TC2N: variants seen among roughly 807,000 people sequenced by gnomAD.
TC2N encodes tandem C2 domains nuclear protein.
Under a neutral mutation model 61.9 loss-of-function variants are expected in TC2N, and 51 were observed. The observed-to-expected ratio is 0.82, with a 90% CI of 0.66 to 1.04. The LOEUF (loss-of-function observed/expected upper bound fraction) is 1.04, where lower values mean the gene tolerates loss of function less well. TC2N is among the 50% of genes least tolerant of loss of function. The probability of loss-of-function intolerance (pLI) is 0.00; values close to 1 mark genes in which losing one functional copy is unlikely to be tolerated. For missense variants in TC2N, 556 were observed against 566.7 expected, an observed-to-expected ratio of 0.98 and a Z score of 0.19; for synonymous variants, 204 against 192.6, an observed-to-expected ratio of 1.06 and a Z score of -0.49.
In TC2N at chr14:91,798,288, T is replaced by C. The variant is rs752484377; in HGVS notation, c.738+11A>G. The stretch of plus-strand genomic sequence containing the variant: ...TTGTAATAAAAGCTGGTATTAACTA[T>C]ACTAATTTACCTGTAAAACTGTGAT... On this transcript the variant is annotated intron_variant, in intron 7 of 11. Coordinates refer to ENST00000435962, the MANE Select transcript of TC2N (RefSeq NM_001128596.3). 3 of 1,371,432 alleles carry C rather than the reference T, an allele frequency of 2.2e-6. No individual in the cohort carries two copies. The highest frequency in any genetic ancestry group is 2.9e-5 in the African/African-American group (2 of 67,930). The allele number at this position is 1,371,432 out of a possible 1,614,324, so 85.0% of individuals were successfully genotyped here.
intron 3 of TC2N, among the ~76,000 whole-genome samples, chr14:91,805,659 G>A (rs369378628): frequency 6.7e-6 from 1 of 150,178 alleles, no homozygotes; most frequent in Non-Finnish European, 1.5e-5. Context: ...CTGAGACTCC[G>A]TTTCAAAAAA....
intron 1 of TC2N, among the ~76,000 whole-genome samples, chr14:91,825,820 T>C (rs1288460900): frequency 6.6e-6 from 1 of 152,238 alleles, no homozygotes; most frequent in Non-Finnish European, 1.5e-5. Context: ...CTTATTCTTT[T>C]GTTTTTCTTT....
intron 1 of TC2N, among the ~76,000 whole-genome samples, chr14:91,853,831 T>A (rs1888425404): frequency 1.3e-5 from 2 of 152,074 alleles, no homozygotes. Flanking sequence ...GAACTCTTAA[T>A]ATCTGAAGCA....
intron 1 of TC2N, among the ~76,000 whole-genome samples, chr14:91,829,749 C>G (rs1387635390): frequency 6.6e-6 from 1 of 152,100 alleles, no homozygotes; most frequent in African/African-American, 2.4e-5. Flanking sequence ...TTATCTTTGA[C>G]AATGAATTAT....
At chr14:91,848,452 A>G (rs1302252668) in intron 1 of TC2N, among the ~76,000 whole-genome samples, 1 of 152,046 alleles carries the variant, frequency 6.6e-6, no homozygotes, top group Non-Finnish European at 1.5e-5. Context: ...GGCATCTCCC[A>G]TTTTTGTTAC....
At chr14:91,835,668 T>A (rs1887964257) in intron 1 of TC2N, among the ~76,000 whole-genome samples, 2 of 152,148 alleles carry the variant, frequency 1.3e-5, no homozygotes, top group South Asian at 4.1e-4. Context: ...AGAAGTCAAA[T>A]CTAAAACCTA....
chr14:91,794,613 T>C (rs1394014868), intron 8 of TC2N, among the ~76,000 whole-genome samples: 2 of 152,070 alleles, frequency 1.3e-5, no homozygotes, highest in African/African-American at 4.8e-5. Context: ...GTTTACAGCA[T>C]GGTTTACTAA....
rs546904873 is a variant in TC2N, at chr14:91,818,162, A to C, written c.-56-4337T>G. 7.9e-5 allele frequency among the ~76,000 whole-genome samples: 12 copies of C among 152,282 alleles called. No individual in the cohort carries two copies. The East Asian group carries it at 2.1e-3, about 27-fold the overall frequency. On this transcript the variant is annotated intron_variant, in intron 1 of 11. Transcript: ENST00000435962. The stretch of plus-strand genomic sequence containing the variant: ...CAAAGCTGAAAGTATGTGGAGAATA[A>C]GGCAGCGAGAGTTTGCATAACAGAC...
chr14:91,833,867 C>A lies in TC2N; in HGVS notation c.-56-20042G>T, dbSNP rs183171756. On this transcript the variant is annotated intron_variant, in intron 1 of 11. Coordinates refer to ENST00000435962, the MANE Select transcript of TC2N (RefSeq NM_001128596.3). ...GCCAGCCTTTTCCATTTTAACTATT[C>A]TTTTCATATTCCTAAGGAAAATACT... is the stretch of plus-strand genomic sequence containing the variant. 7.2e-5 allele frequency among the ~76,000 whole-genome samples: 11 copies of A among 152,266 alleles called. No homozygotes were observed. In the East Asian group the frequency reaches 2.1e-3, roughly 29 times the overall value.
intron 1 of TC2N, among the ~76,000 whole-genome samples, chr14:91,847,124 G>C (rs552298141): frequency 5.9e-5 from 9 of 152,240 alleles, no homozygotes; most frequent in Non-Finnish European, 1.0e-4. Context: ...CAGGCGTTGT[G>C]GTGGGCGCCT....
intron 1 of TC2N, among the ~76,000 whole-genome samples, chr14:91,853,919 A>C (rs929466483): frequency 9.2e-5 from 14 of 152,190 alleles, no homozygotes; most frequent in Admixed American, 9.2e-4. Context: ...ATTGAATTAA[A>C]AAAAAAAGTA....
chr14:91,829,807 A>G (rs1887668139), intron 1 of TC2N, among the ~76,000 whole-genome samples: 1 of 152,202 alleles, frequency 6.6e-6, no homozygotes, highest in Non-Finnish European at 1.5e-5. Context: ...GCTAAAAATG[A>G]AAGTATACTC....
At chr14:91,834,661 C>T (rs541828707) in intron 1 of TC2N, among the ~76,000 whole-genome samples, 276 of 152,242 alleles carry the variant, frequency 1.8e-3, no homozygotes, top group Non-Finnish European at 2.7e-3. Flanking sequence ...AAGCCCCCAT[C>T]CTAACTTCCA....
chr14:91,830,723 A>G (rs1566783294), intron 1 of TC2N, among the ~76,000 whole-genome samples: 1 of 151,974 alleles, frequency 6.6e-6, no homozygotes, highest in Non-Finnish European at 1.5e-5. Context: ...TATCTCAAAA[A>G]AGAAATGATT....
chr14:91,832,810 A>T (rs888282210), intron 1 of TC2N, among the ~76,000 whole-genome samples: 6 of 151,588 alleles, frequency 4.0e-5, no homozygotes, highest in East Asian at 1.9e-4. Context: ...GCAAAAAAAT[A>T]AAAAAAAAGA....
intron 1 of TC2N, among the ~76,000 whole-genome samples, chr14:91,847,347 C>G (rs144835529): frequency 1.3e-5 from 2 of 152,198 alleles, no homozygotes; most frequent in East Asian, 1.9e-4. Flanking sequence ...AAAGCTGGAA[C>G]CTGTGTCCTC....
intron 9 of TC2N, among the ~76,000 whole-genome samples, chr14:91,791,623 A>G (rs1368210467): frequency 1.3e-5 from 2 of 152,170 alleles, no homozygotes; most frequent in African/African-American, 2.4e-5. Context: ...ACTTCTAATC[A>G]ATTTATGAGC....
intron 1 of TC2N, among the ~76,000 whole-genome samples, chr14:91,819,626 C>T (rs1887156802): frequency 6.6e-6 from 1 of 151,966 alleles, no homozygotes; most frequent in Non-Finnish European, 1.5e-5. Context: ...ATAAAGTGCA[C>T]CATAAGTATA....
chr14:91,785,321 CA>C lies in TC2N; in HGVS notation c.1202del (p.Leu401Ter). On this transcript the variant is annotated frameshift_variant, in exon 11 of 12. Transcript: ENST00000435962. LOFTEE classifies it high-confidence loss of function. ...GTAAGCGTGTCTTTTTCTTATAAAT[CA>C]ACTCTCCCGAGCTAAACATTCCCAC... The part of the protein sequence containing the change: ...VKVGMFSSGE[L>X]IYKKKTRLLK... The C allele has an allele frequency of 6.2e-7, 1 of 1,613,712 alleles. No homozygotes were observed. Among genetic ancestry groups the C allele is most frequent in the Non-Finnish European group, 8.5e-7 (1 of 1,179,822 alleles).
Sources: gnomAD v4.1 joint callset for allele counts (sites outside exome capture counted in the v4.1 genomes callset) on GRCh38, gnomAD v4.1.1 for gene constraint, MANE v1.5 for transcripts, NCBI Gene and HGNC (gene_info 2026-07-23, HGNC 2026-07-21) for gene names.